The following MYO9B variants were observed in gnomAD, a reference collection of about 807,000 sequenced individuals.
MYO9B encodes the protein unconventional myosin-IXb.
Under a neutral mutation model 229.5 loss-of-function variants are expected in MYO9B, and 71 were observed. The ratio of observed to expected loss-of-function variants is 0.31; its 90% CI spans 0.26 to 0.38. The LOEUF (loss-of-function observed/expected upper bound fraction) is 0.38, where lower values mean the gene tolerates loss of function less well. Ranked by LOEUF, MYO9B falls within the 10% of genes least tolerant of loss-of-function variation. The probability of loss-of-function intolerance (pLI) is 1.00; values close to 1 mark genes in which losing one functional copy is unlikely to be tolerated. For missense variants in MYO9B, 2,255 were observed against 2,920.5 expected, an observed-to-expected ratio of 0.77 and a Z score of 5.25; for synonymous variants, 1,185 against 1,235.8, an observed-to-expected ratio of 0.96 and a Z score of 0.86.
intron 2 of MYO9B, among the ~76,000 whole-genome samples, chr19:17,138,235 CT>C (rs1325272792): frequency 6.6e-6 from 1 of 152,026 alleles, no homozygotes; most frequent in African/African-American, 2.4e-5. Context: ...TGAACTCATC[CT>C]TTTTTATGGC....
Position 17,167,999 on chromosome 19 carries a change from C to A in MYO9B, c.1728C>A (p.Val576=). ...ACAACATCGGCTACACAGACAATGT[C>A]GGCTGCATCCATCTCATCAGCAAGA... is the stretch of plus-strand genomic sequence containing the variant. ...TWHNIGYTDN[V]GCIHLISKKP... Residue 576 remains valine (V), a synonymous_variant, in exon 11 of 40, where the codon GTC becomes GTA. Coordinates refer to ENST00000682292, the MANE Select transcript of MYO9B (RefSeq NM_004145.4). 6.2e-7 allele frequency: 1 copy of A among 1,607,108 alleles called. No homozygotes were observed. Among genetic ancestry groups the A allele is most frequent in the Non-Finnish European group, 8.5e-7 (1 of 1,177,152 alleles).
At chr19:17,099,815 TAAA>T (rs34945453) in intron 1 of MYO9B, among the ~76,000 whole-genome samples, 1,597 of 116,290 alleles carry the variant, frequency 0.014, 14 homozygotes, top group South Asian at 0.046. Flanking sequence ...GAGACTGTCT[TAAA>T]AAAAAAAAAA....
At chr19:17,160,217 G>A (rs899143125) in intron 8 of MYO9B, among the ~76,000 whole-genome samples, 1 of 152,128 alleles carries the variant, frequency 6.6e-6, no homozygotes, top group Admixed American at 6.6e-5. Context: ...AACAGGCACC[G>A]GGGACATTCT....
chr19:17,203,339 G>A, intron 30 of MYO9B, 81 bp downstream of exon 30: 1 of 1,122,986 alleles, frequency 8.9e-7, no homozygotes, highest in Non-Finnish European at 1.3e-6. Flanking sequence ...TCAGGGCCAG[G>A]CGGGGTGGCT....
At chr19:17,108,672 A>G (rs1193624678) in intron 2 of MYO9B, among the ~76,000 whole-genome samples, 1 of 152,168 alleles carries the variant, frequency 6.6e-6, no homozygotes. Context: ...GCTTTTAGAA[A>G]TTATCTGTGA....
intron 1 of MYO9B, among the ~76,000 whole-genome samples, chr19:17,080,777 A>G (rs947072207): frequency 1.3e-5 from 2 of 152,044 alleles, no homozygotes; most frequent in Admixed American, 1.3e-4. Flanking sequence ...GCTGAGACAG[A>G]CAGATCGCTT....
chr19:17,161,048 G>T (rs569308616), intron 8 of MYO9B, among the ~76,000 whole-genome samples: 1 of 150,440 alleles, frequency 6.6e-6, no homozygotes, highest in Admixed American at 6.7e-5. Context: ...CAATCCACCC[G>T]CCTCGGCTCC....
At chr19:17,127,822 C>T (rs1164880770) in intron 2 of MYO9B, among the ~76,000 whole-genome samples, 1 of 152,196 alleles carries the variant, frequency 6.6e-6, no homozygotes, top group Non-Finnish European at 1.5e-5. Flanking sequence ...TGAGCGGTGA[C>T]AGCAGATGGA....
In MYO9B at chr19:17,152,819, C is replaced by T; in HGVS notation, c.998+113C>T. On this transcript the variant is annotated intron_variant, in intron 4 of 39. Transcript: ENST00000682292. Reference sequence around the variant, plus strand: ...GAGGTCGGAGGAATTCTGGGGGAGGCCGTGGAGGCTCTCACAGGAGCAGGG... The same window carrying T: ...GAGGTCGGAGGAATTCTGGGGGAGGTCGTGGAGGCTCTCACAGGAGCAGGG... 6.7e-6 allele frequency: 6 copies of T among 900,660 alleles called. No homozygotes were observed. In the South Asian group the frequency reaches 7.8e-5, roughly 12 times the overall value. 55.8% of individuals were successfully genotyped at this position (900,660 alleles called of 1,614,324 possible).
chr19:17,186,062 T>G, intron 18 of MYO9B, 61 bp downstream of exon 18: 1 of 1,475,830 alleles, frequency 6.8e-7, no homozygotes, highest in Non-Finnish European at 9.5e-7. Context: ...GGGGTGTCGG[T>G]GTCCCTGCAT....
At chr19:17,156,824 A>G (rs1414167076) in intron 6 of MYO9B, 85 bp from the exon 7 acceptor site, 8 of 1,468,850 alleles carry the variant, frequency 5.4e-6, no homozygotes, top group South Asian at 1.3e-5. Context: ...TGCTGGTTTT[A>G]TGGATTCAGC....
At chr19:17,100,222 C>T (rs1458722706) in intron 1 of MYO9B, among the ~76,000 whole-genome samples, 2 of 151,922 alleles carry the variant, frequency 1.3e-5, no homozygotes, top group Non-Finnish European at 2.9e-5. Flanking sequence ...CTAATCCCAG[C>T]ACTTAGGGAA....
At chr19:17,188,822 G>C (rs1371045321) in intron 19 of MYO9B, among the ~76,000 whole-genome samples, 4 of 151,964 alleles carry the variant, frequency 2.6e-5, no homozygotes, top group Non-Finnish European at 5.9e-5. Context: ...AGACCAGCCT[G>C]GACAACATAG....
chr19:17,130,821 C>T (rs2072187446), intron 2 of MYO9B, among the ~76,000 whole-genome samples: 1 of 151,930 alleles, frequency 6.6e-6, no homozygotes, highest in Middle Eastern at 3.2e-3. Flanking sequence ...GACGTTCAAC[C>T]CTGGATGTCT....
chr19:17,162,947 G>T (rs751150681), intron 9 of MYO9B, 41 bp from the exon 10 acceptor site: 4 of 1,592,480 alleles, frequency 2.5e-6, no homozygotes, highest in African/African-American at 2.7e-5. Flanking sequence ...CTCCCTCGGG[G>T]TGCACCTGCG....
At chr19:17,118,262 C>T (rs1294043843) in intron 2 of MYO9B, among the ~76,000 whole-genome samples, 3 of 151,694 alleles carry the variant, frequency 2.0e-5, no homozygotes, top group African/African-American at 4.8e-5. Flanking sequence ...TCTGGTCTGG[C>T]GCTCTGGACA....
intron 2 of MYO9B, among the ~76,000 whole-genome samples, chr19:17,121,836 A>G (rs1434605925): frequency 2.6e-5 from 4 of 151,976 alleles, no homozygotes; most frequent in Non-Finnish European, 4.4e-5. Flanking sequence ...AAATATGACA[A>G]TTGGCCCGGC....
intron 2 of MYO9B, among the ~76,000 whole-genome samples, chr19:17,109,549 C>T (rs986132092): frequency 1.4e-4 from 21 of 152,184 alleles, no homozygotes; most frequent in Non-Finnish European, 2.2e-4. Flanking sequence ...CAAAGTATTA[C>T]GGGCTGGGAG....
chr19:17,132,976 T>C (rs1253389602), intron 2 of MYO9B, among the ~76,000 whole-genome samples: 1 of 151,708 alleles, frequency 6.6e-6, no homozygotes, highest in Non-Finnish European at 1.5e-5. Context: ...ACCTCCCGAG[T>C]AGCTGGAACT....
Sources: gnomAD v4.1 joint callset for allele counts (sites outside exome capture counted in the v4.1 genomes callset) on GRCh38, gnomAD v4.1.1 for gene constraint, MANE v1.5 for transcripts, NCBI Gene and HGNC (gene_info 2026-07-23, HGNC 2026-07-21) for gene names.